ARF4: variants seen among roughly 807,000 people sequenced by gnomAD.
The protein encoded by ARF4 is ARF GTPase 4, also known as ADP-ribosylation factor 4.
Under a neutral mutation model 24.3 loss-of-function variants are expected in ARF4, and 5 were observed. That is an observed-to-expected ratio of 0.21 (90% CI 0.11 to 0.43). The LOEUF (loss-of-function observed/expected upper bound fraction) is 0.43, where lower values mean the gene tolerates loss of function less well. Among genes scored for constraint, ARF4 ranks in the 20% least tolerant of loss-of-function variants. The pLI is 1.00. For synonymous variants in ARF4, 62 were observed against 73.5 expected, an observed-to-expected ratio of 0.84 and a Z score of 0.80; for missense variants, 107 against 213.0, an observed-to-expected ratio of 0.50 and a Z score of 3.10.
intron 1 of ARF4, chr3:57,596,869 C>T: frequency 1.7e-6 from 1 of 579,980 alleles, no homozygotes; most frequent in Non-Finnish European, 3.1e-6. Context: ...AGCCCTGTCC[C>T]TGTCTCGTCT....
rs201152628 is a variant in ARF4 at position 57,597,114 on chromosome 3, G to A, written c.27C>T (p.Phe9=). ...TCTGCTTCTTGCCAAATAGTCGGGAGAAGAGGGAGGAGATAGTGAGGCCCA... is the reference window on the plus strand; with the variant it reads ...TCTGCTTCTTGCCAAATAGTCGGGAAAAGAGGGAGGAGATAGTGAGGCCCA... The part of the protein sequence containing the change: MGLTISSL[F]SRLFGKKQMR... The change falls in exon 1 of 6, where the codon TTC becomes TTT. Residue 9 remains phenylalanine, a synonymous_variant. Transcript: ENST00000303436. 1.2e-6 allele frequency: 2 copies of A among 1,614,166 alleles called. No individual in the cohort carries two copies. Among genetic ancestry groups the A allele is most frequent in the African/African-American group, 1.3e-5 (1 of 75,068 alleles).
intron 5 of ARF4, among the ~76,000 whole-genome samples, chr3:57,575,239 T>G (rs2069889429): frequency 1.3e-5 from 2 of 151,178 alleles, no homozygotes; most frequent in African/African-American, 4.9e-5. Context: ...TAGGGTTACT[T>G]AAAAGATACA....
Position 57,571,840 on chromosome 3 carries a change from G to A in ARF4, c.*372C>T, listed in dbSNP as rs770757652. 12 of 179,358 alleles carry A rather than the reference G, an allele frequency of 6.7e-5. No individual in the cohort carries two copies. The highest frequency in any genetic ancestry group is 3.6e-4 in the Admixed American group (6 of 16,884). 11.1% of individuals were successfully genotyped at this position (179,358 alleles called of 1,614,324 possible). Reference sequence around the variant, plus strand: ...TGCTACATTTTTAAATTAGCAAACTGTCTCAGGAATGATAAAGGTATCAGT... The same window carrying A: ...TGCTACATTTTTAAATTAGCAAACTATCTCAGGAATGATAAAGGTATCAGT... On this transcript the variant is annotated 3_prime_UTR_variant, in exon 6 of 6. Coordinates refer to ENST00000303436, the MANE Select transcript of ARF4 (RefSeq NM_001660.4).
At chr3:57,575,041 GT>G (rs1046536179) in intron 5 of ARF4, among the ~76,000 whole-genome samples, 8 of 151,864 alleles carry the variant, frequency 5.3e-5, no homozygotes, top group Non-Finnish European at 1.2e-4. Context: ...TAGAGACAGG[GT>G]TTCTCCCTGG....
intron 1 of ARF4, among the ~76,000 whole-genome samples, chr3:57,590,241 C>G (rs1413291315): frequency 6.6e-6 from 1 of 151,694 alleles, no homozygotes; most frequent in Admixed American, 6.6e-5. Context: ...AATCCCAGCA[C>G]TTTGGGAGGC....
intron 1 of ARF4, among the ~76,000 whole-genome samples, chr3:57,595,238 T>C (rs2070166693): frequency 1.3e-5 from 2 of 152,180 alleles, no homozygotes; most frequent in South Asian, 4.1e-4. Context: ...GACTAAGGAA[T>C]TGAAAAATAG....
At chr3:57,590,978 G>T (rs994494925) in intron 1 of ARF4, among the ~76,000 whole-genome samples, 1 of 152,082 alleles carries the variant, frequency 6.6e-6, no homozygotes, top group Non-Finnish European at 1.5e-5. Context: ...ATACATTTTT[G>T]GACTTTAATT....
At chr3:57,577,592 T>A (rs559722969) in intron 3 of ARF4, among the ~76,000 whole-genome samples, 2 of 152,180 alleles carry the variant, frequency 1.3e-5, no homozygotes, top group Non-Finnish European at 2.9e-5. Context: ...ATCTAAAAAA[T>A]TTTTATTCTT....
chr3:57,571,486 TCAG>T lies in ARF4; in HGVS notation c.*723_*725del, dbSNP rs1200941171. 1.3e-5 allele frequency: 2 copies of T among 152,354 alleles called. No homozygotes were observed. The highest frequency in any genetic ancestry group is 4.8e-5 in the African/African-American group (2 of 41,336). 9.4% of individuals were successfully genotyped at this position (152,354 alleles called of 1,614,324 possible). On this transcript the variant is annotated 3_prime_UTR_variant, in exon 6 of 6. Coordinates refer to ENST00000303436, the MANE Select transcript of ARF4 (RefSeq NM_001660.4). Reference sequence around the variant, plus strand: ...ATATGTCTGCCCAATAAACAAAACATCAGCAGAACTATCATATACTGAGCAAAA... The same window carrying T: ...ATATGTCTGCCCAATAAACAAAACATCAGAACTATCATATACTGAGCAAAA...
rs866446029 is a variant in ARF4, at chr3:57,584,720, A to T, written c.68-256T>A. ...CAAGTATGTAGCTGACTTAGGCTCTAATCTCTAGCTTTGCGACAAACTAGT... is the reference window on the plus strand; with the variant it reads ...CAAGTATGTAGCTGACTTAGGCTCTTATCTCTAGCTTTGCGACAAACTAGT... On this transcript the variant is annotated intron_variant, in intron 1 of 5. Coordinates refer to ENST00000303436, the MANE Select transcript of ARF4 (RefSeq NM_001660.4). Among the ~76,000 whole-genome samples the T allele has an allele frequency of 2.6e-5, 4 of 152,302 alleles. No individual in the cohort carries two copies. The South Asian group carries it at 8.3e-4, about 32-fold the overall frequency.
intron 3 of ARF4, among the ~76,000 whole-genome samples, chr3:57,578,075 G>A (rs1442710380): frequency 1.3e-5 from 2 of 151,816 alleles, no homozygotes; most frequent in Non-Finnish European, 2.9e-5. Context: ...AAAACCCCAT[G>A]AATTTACTAA....
chr3:57,577,307 A>AT lies in ARF4; in HGVS notation c.330+8dup, dbSNP rs1453173596. On this transcript the variant is annotated intron_variant, in intron 4 of 5. Transcript: ENST00000303436. The stretch of plus-strand genomic sequence containing the variant: ...CTTGAAAATGATGAATTTAAAGTAT[A>AT]TTTCTTACCATTTTCTGCAGCTCAT... 6.2e-7 allele frequency: 1 copy of AT among 1,607,808 alleles called. No individual in the cohort carries two copies. The highest frequency in any genetic ancestry group is 8.5e-7 in the Non-Finnish European group (1 of 1,174,512).
rs1553731273 is a variant in ARF4, at chr3:57,590,135, A to AT, written c.68-5672_68-5671insA. On this transcript the variant is annotated intron_variant, in intron 1 of 5. Transcript: ENST00000303436. ...AATAAATAAATAAATAAATAAATAA[A>AT]ACAAAAAACAAAAAAAGAACATCTA... Among the ~76,000 whole-genome samples the AT allele has an allele frequency of 1.2e-4, 17 of 142,908 alleles. No homozygotes were observed. In the South Asian group the frequency reaches 1.9e-3, roughly 16 times the overall value. The allele number at this position is 142,908 out of a possible 152,430, so 93.8% of individuals were successfully genotyped here.
intron 1 of ARF4, among the ~76,000 whole-genome samples, chr3:57,587,044 C>T (rs2070046899): frequency 6.6e-6 from 1 of 152,014 alleles, no homozygotes; most frequent in African/African-American, 2.4e-5. Flanking sequence ...TAAGGCCTGG[C>T]GCTGTGGCTC....
intron 3 of ARF4, 86 bp downstream of exon 3, chr3:57,583,812 T>C (rs1315134806): frequency 3.3e-6 from 3 of 909,330 alleles, no homozygotes; most frequent in Non-Finnish European, 5.2e-6. Flanking sequence ...TAAACACCAA[T>C]ATCCAAGTAA....
chr3:57,581,967 CA>C (rs1234119537), intron 3 of ARF4, among the ~76,000 whole-genome samples: 1 of 152,100 alleles, frequency 6.6e-6, no homozygotes, highest in Non-Finnish European at 1.5e-5. Flanking sequence ...AATCCAAATC[CA>C]AAACTTCCCG....
At chr3:57,588,770 A>G (rs1199513406) in intron 1 of ARF4, among the ~76,000 whole-genome samples, 1 of 142,964 alleles carries the variant, frequency 7.0e-6, no homozygotes, top group Admixed American at 7.0e-5. Flanking sequence ...CAGCCTGGAC[A>G]ACATGGCAAA....
At chr3:57,591,495 C>G (rs1308856127) in intron 1 of ARF4, among the ~76,000 whole-genome samples, 1 of 146,638 alleles carries the variant, frequency 6.8e-6, no homozygotes, top group Non-Finnish European at 1.5e-5. Flanking sequence ...GAGACAGAGT[C>G]TCACTCTGTC....
chr3:57,594,271 A>AT (rs906186587), intron 1 of ARF4, among the ~76,000 whole-genome samples: 2 of 152,136 alleles, frequency 1.3e-5, no homozygotes, highest in Non-Finnish European at 2.9e-5. Flanking sequence ...CTTTATTTTT[A>AT]TTTTTTTCAA....
Sources: allele counts gnomAD v4.1 joint callset (sites outside exome capture counted in the v4.1 genomes callset), GRCh38; gene constraint gnomAD v4.1.1; transcripts MANE v1.5; gene names NCBI Gene and HGNC (gene_info 2026-07-23, HGNC 2026-07-21).